LRP2BP: variants seen among roughly 807,000 people sequenced by gnomAD.
LRP2BP encodes the protein LRP2-binding protein.
LRP2BP carries 38 observed loss-of-function variants against 45.2 expected under a neutral mutation model. That is an observed-to-expected ratio of 0.84 (90% confidence interval 0.65 to 1.10). The LOEUF (loss-of-function observed/expected upper bound fraction) is 1.10. Ranked by LOEUF, LRP2BP falls within the 50% of genes least tolerant of loss-of-function variation. The pLI is 0.00. For synonymous variants in LRP2BP, 153 were observed against 153.9 expected (o/e 0.99, Z 0.04); for missense variants, 385 against 418.9 (o/e 0.92, Z 0.71).
At chr4:185,396,693 T>G (rs1021270592), upstream of LRP2BP, 13 of 557,486 alleles carry the variant, frequency 2.3e-5, no homozygotes, top group East Asian at 4.0e-4. Flanking sequence ...TGCCAGTGTT[T>G]GTGTACGTGC....
chr4:185,371,499 A>AAG (rs2126788030), intron 7 of LRP2BP, among the ~76,000 whole-genome samples: 1 of 144,182 alleles, frequency 6.9e-6, no homozygotes, highest in Non-Finnish European at 1.5e-5. Context: ...CCGAGATCGC[A>AAG]CCACTGCACT....
upstream of LRP2BP, chr4:185,396,855 G>C (rs1166868966): frequency 6.5e-7 from 1 of 1,539,406 alleles, no homozygotes; most frequent in Non-Finnish European, 8.9e-7. Context: ...ATTCTTACCT[G>C]TCGGGGTGCG....
At chr4:185,378,984 A>G (rs1213855504) in intron 1 of LRP2BP, 27 of 985,162 alleles carry the variant, frequency 2.7e-5, no homozygotes, top group Non-Finnish European at 3.1e-5. Flanking sequence ...GCATTTTTAT[A>G]TCATTCCATG....
chr4:185,388,572 T>C (rs2095478898), intron 1 of LRP2BP, among the ~76,000 whole-genome samples: 1 of 152,206 alleles, frequency 6.6e-6, no homozygotes, highest in Non-Finnish European at 1.5e-5. Flanking sequence ...TCGGTAAGAA[T>C]AAACCTTAAG....
chr4:185,394,686 T>C (rs762617555), intron 1 of LRP2BP, 93 bp downstream of exon 1: 1 of 888,326 alleles, frequency 1.1e-6, no homozygotes, highest in African/African-American at 1.8e-5. Context: ...TATTTTACAC[T>C]TCTTAGAAAT....
rs1164248527 is a variant in LRP2BP, at chr4:185,365,233, A to G, written c.*1947T>C. 6.6e-6 allele frequency: 1 copy of G among 152,248 alleles called. No homozygotes were observed. Among genetic ancestry groups the G allele is most frequent in the Non-Finnish European group, 1.5e-5 (1 of 68,036 alleles). 9.4% of individuals were successfully genotyped at this position (152,248 alleles called of 1,614,324 possible). A position where few individuals can be genotyped will look rare whatever the true frequency, so the allele number is the denominator to read the frequency against. Reference sequence around the variant, plus strand: ...TTGGATTTATAGAAGACATATAAGCATAGCATGTTACCATGTATGGCACAC... The same window carrying G: ...TTGGATTTATAGAAGACATATAAGCGTAGCATGTTACCATGTATGGCACAC... On this transcript the variant is annotated 3_prime_UTR_variant, in exon 9 of 9. Coordinates refer to ENST00000505916, the MANE Select transcript of LRP2BP (RefSeq NM_001377440.1).
rs1393252351 is a variant in LRP2BP at position 185,377,068 on chromosome 4, C to T, written c.107-50G>A. ...CCATCAACCACACAATATGAATTTTCTCTCTTGAAGTAATGAATCATATAA... is the reference window on the plus strand; with the variant it reads ...CCATCAACCACACAATATGAATTTTTTCTCTTGAAGTAATGAATCATATAA... On this transcript the variant is annotated intron_variant, in intron 2 of 8. Coordinates refer to ENST00000505916, the MANE Select transcript of LRP2BP (RefSeq NM_001377440.1). 3 of 1,286,066 alleles carry T rather than the reference C, an allele frequency of 2.3e-6. No homozygotes were observed. In the Admixed American group the frequency reaches 5.1e-5, roughly 22 times the overall value. The allele number at this position is 1,286,066 out of a possible 1,614,324, so 79.7% of individuals were successfully genotyped here. A position where few individuals can be genotyped will look rare whatever the true frequency, so the allele number is the denominator to read the frequency against.
intron 1 of LRP2BP, among the ~76,000 whole-genome samples, chr4:185,382,980 G>A (rs1378521080): frequency 6.6e-6 from 1 of 152,170 alleles, no homozygotes; most frequent in African/African-American, 2.4e-5. Context: ...GATCCATTGA[G>A]TTCATTCTGT....
chr4:185,384,223 G>T (rs927553476), intron 1 of LRP2BP, among the ~76,000 whole-genome samples: 6 of 152,152 alleles, frequency 3.9e-5, no homozygotes, highest in African/African-American at 1.4e-4. Flanking sequence ...TCTGCCTTCT[G>T]CCATGTGAGG....
At chr4:185,393,838 A>G (rs555251307) in intron 1 of LRP2BP, among the ~76,000 whole-genome samples, 1 of 152,312 alleles carries the variant, frequency 6.6e-6, no homozygotes, top group African/African-American at 2.4e-5. Context: ...CCTCAAGAGT[A>G]ATTACTTGAA....
chr4:185,379,102 CATTT>C, intron 1 of LRP2BP: 1 of 455,672 alleles, frequency 2.2e-6, no homozygotes, highest in Non-Finnish European at 2.9e-6. Context: ...TTGGAAGAGT[CATTT>C]AATCTTTTTA....
At position 185,375,697 on chromosome 4, in the gene LRP2BP, A is replaced by G. The variant is rs1413683000; in HGVS notation, c.246T>C (p.Phe82=). The G allele has an allele frequency of 6.2e-7, 1 of 1,610,810 alleles. No homozygotes were observed. The highest frequency in any genetic ancestry group is 1.3e-5 in the African/African-American group (1 of 74,508). The change falls in exon 4 of 9, where the codon TTT becomes TTC. Residue 82 remains phenylalanine (F), a synonymous_variant. Coordinates refer to ENST00000505916, the MANE Select transcript of LRP2BP (RefSeq NM_001377440.1). ...GATGGTCTTTCTCCTTGATTTCTTCAAACTGTTCTAATGCTTCTTCATACC... is the reference window on the plus strand; with the variant it reads ...GATGGTCTTTCTCCTTGATTTCTTCGAACTGTTCTAATGCTTCTTCATACC... ...EGWYEEALEQ[F]EEIKEKDHQA... is the part of the protein sequence containing the mutation.
rs1469816612 is a variant in LRP2BP, at chr4:185,366,621, A to G, written c.*559T>C. ...ATAACTTCAGAAGTAGAAATGCTGC[A>G]CACACTTATTTAAGTTTAATTCTTT... On this transcript the variant is annotated 3_prime_UTR_variant, in exon 9 of 9. Transcript: ENST00000505916. 1.3e-5 allele frequency: 2 copies of G among 152,226 alleles called. No individual in the cohort carries two copies. The highest frequency in any genetic ancestry group is 2.9e-5 in the Non-Finnish European group (2 of 68,050). The allele number at this position is 152,226 out of a possible 1,614,324, so 9.4% of individuals were successfully genotyped here. A position where few individuals can be genotyped will look rare whatever the true frequency, so the allele number is the denominator to read the frequency against.
chr4:185,396,881 C>T (rs2095504832), upstream of LRP2BP: 2 of 1,610,056 alleles, frequency 1.2e-6, no homozygotes, highest in Non-Finnish European at 1.7e-6. Context: ...TGTCTCACCT[C>T]TCTGCACTTC....
At chr4:185,396,835 C>T (rs1412459231), upstream of LRP2BP, 23 of 1,408,484 alleles carry the variant, frequency 1.6e-5, no homozygotes, top group African/African-American at 1.3e-4. Context: ...GTGCTAGGGC[C>T]AGCCTGCGCA....
chr4:185,369,436 G>A (rs2095407202), intron 8 of LRP2BP, among the ~76,000 whole-genome samples: 1 of 151,394 alleles, frequency 6.6e-6, no homozygotes, highest in African/African-American at 2.4e-5. Context: ...TAGAGACCCA[G>A]TTTCACCATG....
intron 8 of LRP2BP, among the ~76,000 whole-genome samples, 153 bp downstream of exon 8, chr4:185,370,487 A>G (rs761679936): frequency 1.9e-4 from 29 of 152,202 alleles, no homozygotes; most frequent in Non-Finnish European, 3.7e-4. Flanking sequence ...ATTGTCTGCA[A>G]ACAATCTGCA....
Position 185,394,988 on chromosome 4 carries a change from C to T in LRP2BP, c.-231G>A, listed in dbSNP as rs2126859355. ...GTTACTTGCCAGTAAGATATTGTCC[C>T]CCAAATGTACTTATCCTGTTTTTGT... On this transcript the variant is annotated 5_prime_UTR_variant, in exon 1 of 9. Transcript: ENST00000505916. 6.1e-6 allele frequency: 6 copies of T among 985,410 alleles called. No homozygotes were observed. The highest frequency in any genetic ancestry group is 7.2e-6 in the Non-Finnish European group (6 of 829,934). 61.0% of individuals were successfully genotyped at this position (985,410 alleles called of 1,614,324 possible). A position where few individuals can be genotyped will look rare whatever the true frequency, so the allele number is the denominator to read the frequency against.
At chr4:185,389,634 T>C (rs1193954547) in intron 1 of LRP2BP, among the ~76,000 whole-genome samples, 1 of 152,106 alleles carries the variant, frequency 6.6e-6, no homozygotes, top group African/African-American at 2.4e-5. Context: ...AAAAAACAAC[T>C]GAGTTTCAAA....
Sources: gnomAD v4.1 joint callset for allele counts (sites outside exome capture counted in the v4.1 genomes callset) on GRCh38, gnomAD v4.1.1 for gene constraint, MANE v1.5 for transcripts, NCBI Gene and HGNC (gene_info 2026-07-23, HGNC 2026-07-21) for gene names.